Variants in GUCY1A2 observed in about 807,000 individuals in gnomAD.
GUCY1A2 encodes the protein guanylate cyclase 1 soluble subunit alpha 2, also known as guanylate cyclase soluble subunit alpha-2.
In GUCY1A2, 27 loss-of-function variants were observed where a neutral mutation model predicts 63.5. The ratio of observed to expected loss-of-function variants is 0.43; its 90% CI spans 0.31 to 0.59. The LOEUF (loss-of-function observed/expected upper bound fraction) is 0.59, where lower values mean the gene tolerates loss of function less well. GUCY1A2 is among the 20% of genes least tolerant of loss of function. GUCY1A2 has a pLI of 0.11. For missense variants in GUCY1A2, 768 were observed against 913.3 expected (o/e 0.84, Z 2.05); for synonymous variants, 364 against 343.5 (o/e 1.06, Z -0.66).
At chr11:106,895,396 C>T (rs1286285635) in intron 4 of GUCY1A2, among the ~76,000 whole-genome samples, 2 of 151,956 alleles carry the variant, frequency 1.3e-5, no homozygotes, top group East Asian at 3.9e-4. Flanking sequence ...TGGCTGTGTC[C>T]CCACCAAATC....
chr11:106,694,224 G>A (rs1862676254), intron 7 of GUCY1A2, among the ~76,000 whole-genome samples: 1 of 152,154 alleles, frequency 6.6e-6, no homozygotes, highest in Admixed American at 6.5e-5. Context: ...GAATCTCACT[G>A]TTATGAATGT....
At chr11:106,952,203 A>C (rs1860919241) in intron 3 of GUCY1A2, among the ~76,000 whole-genome samples, 1 of 152,098 alleles carries the variant, frequency 6.6e-6, no homozygotes, top group African/African-American at 2.4e-5. Context: ...TTTGCTTAGG[A>C]TTGTCTTGAC....
intron 6 of GUCY1A2, among the ~76,000 whole-genome samples, chr11:106,758,296 A>G (rs1193435744): frequency 6.6e-6 from 1 of 152,208 alleles, no homozygotes; most frequent in African/African-American, 2.4e-5. Context: ...CGTGGGACCC[A>G]CTGAGCCAGG....
At chr11:107,013,703 A>C (rs532626784) in intron 1 of GUCY1A2, among the ~76,000 whole-genome samples, 5 of 152,098 alleles carry the variant, frequency 3.3e-5, no homozygotes, top group Non-Finnish European at 7.4e-5. Context: ...GTGCATCATC[A>C]TGACCTGCTA....
chr11:106,933,959 A>AG (rs1565336171), intron 4 of GUCY1A2, among the ~76,000 whole-genome samples: 2 of 152,166 alleles, frequency 1.3e-5, no homozygotes, highest in African/African-American at 4.8e-5. Context: ...TGGATGGGAA[A>AG]GGGGGGACAA....
chr11:106,933,812 T>C (rs924624263), intron 4 of GUCY1A2, among the ~76,000 whole-genome samples: 3 of 152,100 alleles, frequency 2.0e-5, no homozygotes, highest in Non-Finnish European at 4.4e-5. Context: ...TAAAAAAAGA[T>C]GCAGCTTGAG....
rs990593568 is a variant in GUCY1A2, at chr11:106,978,758, T to C, written c.366-18A>G. On this transcript the variant is annotated intron_variant, in intron 2 of 7. Transcript: ENST00000526355. Reference sequence around the variant, plus strand: ...CCCTGTAACTAAGAAGAAAACAAAATTAGCATAAGGAGAAATTTTTGAAAG... The same window carrying C: ...CCCTGTAACTAAGAAGAAAACAAAACTAGCATAAGGAGAAATTTTTGAAAG... 6.3e-7 allele frequency: 1 copy of C among 1,583,130 alleles called. No individual in the cohort carries two copies.
At chr11:106,718,391 G>A (rs921381390) in intron 6 of GUCY1A2, among the ~76,000 whole-genome samples, 2 of 152,074 alleles carry the variant, frequency 1.3e-5, no homozygotes, top group Non-Finnish European at 2.9e-5. Flanking sequence ...CCACTGATTA[G>A]GAGGGCATGT....
intron 7 of GUCY1A2, among the ~76,000 whole-genome samples, chr11:106,693,729 A>G (rs1361416710): frequency 6.6e-6 from 1 of 152,120 alleles, no homozygotes; most frequent in Non-Finnish European, 1.5e-5. Flanking sequence ...TTATTTCCCA[A>G]CACATAAAGA....
At chr11:106,847,007 A>T (rs1174360199) in intron 4 of GUCY1A2, among the ~76,000 whole-genome samples, 1 of 151,384 alleles carries the variant, frequency 6.6e-6, no homozygotes, top group Non-Finnish European at 1.5e-5. Context: ...TAAGAAAATA[A>T]AAGGTTCTGA....
At chr11:106,989,171 C>A (rs1228818259) in intron 1 of GUCY1A2, among the ~76,000 whole-genome samples, 1 of 152,124 alleles carries the variant, frequency 6.6e-6, no homozygotes, top group Non-Finnish European at 1.5e-5. Flanking sequence ...ATTCTACAGG[C>A]CAAGATCCCA....
intron 4 of GUCY1A2, among the ~76,000 whole-genome samples, chr11:106,918,040 T>C (rs1860391870): frequency 6.9e-6 from 1 of 144,068 alleles, no homozygotes; most frequent in Non-Finnish European, 1.6e-5. Flanking sequence ...TCTCATAAAA[T>C]AATTTAAACA....
chr11:106,769,514 G>A (rs943220125), intron 6 of GUCY1A2, among the ~76,000 whole-genome samples: 2 of 151,928 alleles, frequency 1.3e-5, no homozygotes, highest in Non-Finnish European at 2.9e-5. Flanking sequence ...TAACTTTGCT[G>A]GTACACTCAC....
At chr11:106,870,074 G>GA (rs1380468362) in intron 4 of GUCY1A2, among the ~76,000 whole-genome samples, 4 of 135,266 alleles carry the variant, frequency 3.0e-5, no homozygotes, top group Non-Finnish European at 6.2e-5. Flanking sequence ...TTGGACACAG[G>GA]AAGGGGAACA....
Position 106,684,433 on chromosome 11 carries a change from T to C in GUCY1A2, c.*3116A>G, listed in dbSNP as rs1479009478. On this transcript the variant is annotated 3_prime_UTR_variant, in exon 8 of 8. Transcript: ENST00000526355. ...ATCCAACTACTATGTTTCTGAAGCA[T>C]ATTATTATTTTTTATTATGGCCAAT... 1.0e-5 allele frequency: 2 copies of C among 191,240 alleles called. No homozygotes were observed. Among genetic ancestry groups the C allele is most frequent in the Non-Finnish European group, 2.2e-5 (2 of 91,382 alleles). 11.8% of individuals were successfully genotyped at this position (191,240 alleles called of 1,614,324 possible).
intron 4 of GUCY1A2, among the ~76,000 whole-genome samples, chr11:106,938,884 G>C (rs749615298): frequency 8.6e-5 from 13 of 152,028 alleles, no homozygotes; most frequent in Non-Finnish European, 1.8e-4. Flanking sequence ...CTCTCAACTA[G>C]AGATCATGTT....
intron 3 of GUCY1A2, among the ~76,000 whole-genome samples, chr11:106,944,917 C>A (rs138153477): frequency 6.6e-6 from 1 of 152,168 alleles, no homozygotes; most frequent in East Asian, 1.9e-4. Context: ...TTTCTGTGAT[C>A]CTTCTATTTT....
At position 106,776,523 on chromosome 11, in the gene GUCY1A2, G is replaced by A; in HGVS notation, c.1752C>T (p.Cys584=). ...VAAGLHRKSL[C]HAKPIALMAL... is the part of the protein sequence containing the mutation. ...CCATCAGAGCAATGGGTTTAGCATGGCAGAGGCTTTTTCTGTGGAGCCCTG... is the reference window on the plus strand; with the variant it reads ...CCATCAGAGCAATGGGTTTAGCATGACAGAGGCTTTTTCTGTGGAGCCCTG... The change falls in exon 6 of 8, where the codon TGC becomes TGT. Residue 584 remains cysteine (C), a synonymous_variant. Coordinates refer to ENST00000526355, the MANE Select transcript of GUCY1A2 (RefSeq NM_000855.3). 1 of 1,613,336 alleles carries A rather than the reference G, an allele frequency of 6.2e-7. No individual in the cohort carries two copies. The highest frequency in any genetic ancestry group is 2.2e-5 in the East Asian group (1 of 44,862).
rs889888967 is a variant in GUCY1A2 at position 106,680,611 on chromosome 11, C to G, written c.*6938G>C. On this transcript the variant is annotated 3_prime_UTR_variant, in exon 8 of 8. Coordinates refer to ENST00000526355, the MANE Select transcript of GUCY1A2 (RefSeq NM_000855.3). ...AAATATTTTCCATTATTTATTTAACCCAAAACCATTCTTACTAAGGATTTA... is the reference window on the plus strand; with the variant it reads ...AAATATTTTCCATTATTTATTTAACGCAAAACCATTCTTACTAAGGATTTA... 2 of 196,558 alleles carry G rather than the reference C, an allele frequency of 1.0e-5. No homozygotes were observed. Among genetic ancestry groups the G allele is most frequent in the Non-Finnish European group, 2.1e-5 (2 of 94,988 alleles). The allele number at this position is 196,558 out of a possible 1,614,324, so 12.2% of individuals were successfully genotyped here.
Sources: allele counts gnomAD v4.1 joint callset (sites outside exome capture counted in the v4.1 genomes callset), GRCh38; gene constraint gnomAD v4.1.1; transcripts MANE v1.5; gene names NCBI Gene and HGNC (gene_info 2026-07-23, HGNC 2026-07-21).